RIMS2: variants seen among roughly 807,000 people sequenced by gnomAD.
RIMS2 encodes regulating synaptic membrane exocytosis 2.
Under a neutral mutation model 174.4 loss-of-function variants are expected in RIMS2, and 59 were observed. The observed-to-expected ratio is 0.34, with a 90% CI of 0.27 to 0.42. RIMS2 has a LOEUF of 0.42. Among genes scored for constraint, RIMS2 ranks in the 10% least tolerant of loss-of-function variants. The probability of loss-of-function intolerance (pLI) is 1.00; values close to 1 mark genes in which losing one functional copy is unlikely to be tolerated. For synonymous variants in RIMS2, 606 were observed against 572.5 expected (o/e 1.06, Z -0.84); for missense variants, 1,620 against 1,666.3 (o/e 0.97, Z 0.48).
chr8:104,116,964 T>C (rs2098287570), intron 19 of RIMS2, among the ~76,000 whole-genome samples: 1 of 151,936 alleles, frequency 6.6e-6, no homozygotes, highest in South Asian at 2.1e-4. Flanking sequence ...TAACTATTCA[T>C]TGGAAATCTG....
chr8:104,118,362 G>GTTTTTT (rs1303922869), intron 19 of RIMS2, among the ~76,000 whole-genome samples: 1 of 108,560 alleles, frequency 9.2e-6, no homozygotes, highest in African/African-American at 4.1e-5. Flanking sequence ...TTGTTTTTTT[G>GTTTTTT]TTTTTTTGTT....
intron 19 of RIMS2, among the ~76,000 whole-genome samples, chr8:104,214,175 T>C (rs2099119100): frequency 6.6e-6 from 1 of 152,198 alleles, no homozygotes; most frequent in Non-Finnish European, 1.5e-5. Context: ...TTAATTAGAA[T>C]ACATACTGAT....
intron 1 of RIMS2, chr8:103,501,317 G>A: frequency 4.1e-6 from 1 of 244,192 alleles, no homozygotes; most frequent in South Asian, 1.7e-4. Context: ...GATTTTCCTT[G>A]GCGCCTTTCC....
chr8:103,592,765 T>G (rs1358942983), intron 1 of RIMS2, among the ~76,000 whole-genome samples: 1 of 151,450 alleles, frequency 6.6e-6, no homozygotes. Context: ...AGTACACATT[T>G]TTCACAAGAC....
At chr8:103,542,606 A>T (rs562010162) in intron 1 of RIMS2, among the ~76,000 whole-genome samples, 1 of 152,218 alleles carries the variant, frequency 6.6e-6, no homozygotes, top group African/African-American at 2.4e-5. Flanking sequence ...TGATGAGCAT[A>T]GATGCAGAAA....
chr8:103,691,374 G>T (rs184018716), intron 1 of RIMS2, among the ~76,000 whole-genome samples: 1 of 152,104 alleles, frequency 6.6e-6, no homozygotes, highest in East Asian at 1.9e-4. Context: ...ATTGTTTCTT[G>T]TTCTTTTTTT....
At chr8:104,146,204 C>CAAAAAAA (rs36101798) in intron 19 of RIMS2, among the ~76,000 whole-genome samples, 3 of 65,918 alleles carry the variant, frequency 4.6e-5, no homozygotes, top group African/African-American at 1.2e-4. Flanking sequence ...TCTCCTCTCC[C>CAAAAAAA]AAAAAAAAAA....
chr8:103,811,402 AAT>A (rs758911570), intron 3 of RIMS2, among the ~76,000 whole-genome samples: 14 of 152,270 alleles, frequency 9.2e-5, no homozygotes, highest in Non-Finnish European at 1.6e-4. Context: ...TTCAACAAGA[AAT>A]ATATTTCTGC....
chr8:103,752,536 T>C (rs1163554634), intron 2 of RIMS2, among the ~76,000 whole-genome samples: 1 of 152,228 alleles, frequency 6.6e-6, no homozygotes. Context: ...ATAAATTACC[T>C]TGGGCAGTGT....
chr8:103,531,592 G>T lies in RIMS2; in HGVS notation c.176+30530G>T, dbSNP rs539252009. Among the ~76,000 whole-genome samples the T allele has an allele frequency of 1.6e-3, 247 of 152,150 alleles. 3 individuals carry two copies. The highest frequency in any genetic ancestry group is 5.7e-3 in the African/African-American group (237 of 41,502). On this transcript the variant is annotated intron_variant, in intron 1 of 23. Coordinates refer to ENST00000504942, the Ensembl canonical transcript of RIMS2. ...ATCTGATCCACTCTTTGGTTTTGTA[G>T]ACCTATGAGTTAAGAATGGCTTTTA...
At chr8:103,841,811 C>T (rs950494660) in intron 3 of RIMS2, among the ~76,000 whole-genome samples, 6 of 151,902 alleles carry the variant, frequency 3.9e-5, no homozygotes, top group East Asian at 3.9e-4. Context: ...AAAAAGTAGC[C>T]GGGTGTGATG....
chr8:103,869,693 G>A (rs531448094), intron 3 of RIMS2, among the ~76,000 whole-genome samples: 117 of 152,200 alleles, frequency 7.7e-4, no homozygotes, highest in Non-Finnish European at 1.2e-3. Flanking sequence ...GAAACTGTGG[G>A]TTATCTCAAT....
intron 1 of RIMS2, among the ~76,000 whole-genome samples, chr8:103,561,656 A>T (rs1455399947): frequency 6.6e-6 from 1 of 152,226 alleles, no homozygotes; most frequent in African/African-American, 2.4e-5. Flanking sequence ...TCTTGAGTTA[A>T]TAAATGTTAG....
At chr8:103,557,618 C>T (rs2090731103) in intron 1 of RIMS2, among the ~76,000 whole-genome samples, 1 of 152,180 alleles carries the variant, frequency 6.6e-6, no homozygotes. Context: ...TTGATAATTT[C>T]TACCATACAG....
intron 4 of RIMS2, among the ~76,000 whole-genome samples, chr8:103,906,505 C>T (rs1565229954): frequency 6.6e-6 from 1 of 152,206 alleles, no homozygotes; most frequent in Non-Finnish European, 1.5e-5. Context: ...CTCAGCCTCA[C>T]TAAGTGCTGG....
intron 17 of RIMS2, among the ~76,000 whole-genome samples, chr8:104,008,485 T>TCG (rs2095658207): frequency 6.7e-6 from 1 of 148,346 alleles, no homozygotes; most frequent in Non-Finnish European, 1.5e-5. Flanking sequence ...TCTTATATGT[T>TCG]TGTGTGTGTG....
chr8:104,047,194 T>C (rs2096710373), intron 19 of RIMS2, among the ~76,000 whole-genome samples: 2 of 150,346 alleles, frequency 1.3e-5, no homozygotes, highest in Non-Finnish European at 3.0e-5. Context: ...AGGTTTGGAA[T>C]GCAACATTTT....
intron 4 of RIMS2, among the ~76,000 whole-genome samples, chr8:103,905,932 C>T (rs527567652): frequency 6.6e-6 from 1 of 151,776 alleles, no homozygotes; most frequent in East Asian, 1.9e-4. Flanking sequence ...TTTTTTAGTT[C>T]TAAAATTTCC....
chr8:103,859,936 C>G (rs2099049701), intron 3 of RIMS2, among the ~76,000 whole-genome samples: 1 of 152,026 alleles, frequency 6.6e-6, no homozygotes, highest in Non-Finnish European at 1.5e-5. Context: ...GACTCTATCA[C>G]TTGGCCCCTC....
Sources: gnomAD v4.1 joint callset for allele counts (sites outside exome capture counted in the v4.1 genomes callset) on GRCh38, gnomAD v4.1.1 for gene constraint, MANE v1.5 for transcripts, NCBI Gene and HGNC (gene_info 2026-07-23, HGNC 2026-07-21) for gene names.